The following CACNA1I variants were observed in gnomAD, a reference collection of about 807,000 sequenced individuals.
CACNA1I encodes the protein calcium voltage-gated channel subunit alpha1 I.
In CACNA1I, 74 loss-of-function variants were observed where a neutral mutation model predicts 201.6. The observed-to-expected ratio is 0.37, with a 90% CI of 0.30 to 0.45. The LOEUF (loss-of-function observed/expected upper bound fraction) is 0.45, where lower values mean the gene tolerates loss of function less well. Among genes scored for constraint, CACNA1I ranks in the 20% least tolerant of loss-of-function variants. CACNA1I has a pLI of 1.00. For missense variants in CACNA1I, 2,346 were observed against 3,138.1 expected (o/e 0.75, Z 6.03); for synonymous variants, 1,431 against 1,345.2 (o/e 1.06, Z -1.40).
In CACNA1I at chr22:39,598,082, C is replaced by T. The variant is rs143891203; in HGVS notation, c.237-69C>T. 2.8e-4 allele frequency: 240 copies of T among 863,022 alleles called. No individual in the cohort carries two copies. The African/African-American group carries it at 3.6e-3, about 13-fold the overall frequency. 53.5% of individuals were successfully genotyped at this position (863,022 alleles called of 1,614,324 possible). A position where few individuals can be genotyped will look rare whatever the true frequency, so the allele number is the denominator to read the frequency against. On this transcript the variant is annotated intron_variant, in intron 1 of 36. Transcript: ENST00000402142. ...TGTGTGTGGTGGGTTGCGGGTATTA[C>T]ACTCTAGGGTGCACCCCAGCCCCCA...
intron 3 of CACNA1I, among the ~76,000 whole-genome samples, chr22:39,611,075 T>C (rs778069304): frequency 6.6e-6 from 1 of 152,082 alleles, no homozygotes; most frequent in Admixed American, 6.6e-5. Context: ...TGGAAAGGGA[T>C]GCTGGACAGG....
chr22:39,649,315 G>A lies in CACNA1I; in HGVS notation c.1568-186G>A, dbSNP rs1274978931. Among the ~76,000 whole-genome samples the A allele has an allele frequency of 6.6e-6, 1 of 152,196 alleles. No homozygotes were observed. The highest frequency in any genetic ancestry group is 1.5e-5 in the Non-Finnish European group (1 of 68,038). On this transcript the variant is annotated intron_variant, in intron 9 of 36. Coordinates refer to ENST00000402142, the MANE Select transcript of CACNA1I (RefSeq NM_021096.4). This position sits in a 1 kb window ranked among gnomAD's most constrained non-coding sequence, Gnocchi z 7.3. ...CGTTCCTGCCCCAACTTCTACAACA[G>A]GGGCAGACAAAGCTCAGAGAGCTGC...
chr22:39,611,254 G>A (rs1292789331), intron 3 of CACNA1I, among the ~76,000 whole-genome samples: 2 of 152,140 alleles, frequency 1.3e-5, no homozygotes, highest in Non-Finnish European at 2.9e-5. Flanking sequence ...AATTAGTATT[G>A]TTAACACCAT....
At position 39,681,058 on chromosome 22, in the gene CACNA1I, C is replaced by T; in HGVS notation, c.5664+6C>T. 1 of 1,608,058 alleles carries T rather than the reference C, an allele frequency of 6.2e-7. No individual in the cohort carries two copies. Among genetic ancestry groups the T allele is most frequent in the Non-Finnish European group, 8.5e-7 (1 of 1,178,664 alleles). On this transcript the variant is annotated splice_donor_region_variant and intron_variant, in intron 34 of 36. Coordinates refer to ENST00000402142, the MANE Select transcript of CACNA1I (RefSeq NM_021096.4). The stretch of plus-strand genomic sequence containing the variant: ...CTGGCCGCAAAGACAGCAAGGTCAG[C>T]TCCCCTGGGGACTCCTGAGCAGGCG...
At chr22:39,674,408 A>T (rs1362176349) in intron 29 of CACNA1I, among the ~76,000 whole-genome samples, 1 of 152,166 alleles carries the variant, frequency 6.6e-6, no homozygotes, top group Non-Finnish European at 1.5e-5. Context: ...GAGATCAGGG[A>T]AGGCAGCCTA....
intron 1 of CACNA1I, among the ~76,000 whole-genome samples, chr22:39,575,810 T>C (rs1045210066): frequency 3.3e-5 from 5 of 151,802 alleles, no homozygotes; most frequent in Non-Finnish European, 5.9e-5. Flanking sequence ...AGTCTCTCTC[T>C]GTCACCCAGG....
Position 39,659,031 on chromosome 22 carries a change from C to A in CACNA1I, c.2245C>A (p.Arg749=). The A allele has an allele frequency of 6.2e-7, 1 of 1,612,990 alleles. No individual in the cohort carries two copies. Among genetic ancestry groups the A allele is most frequent in the Non-Finnish European group, 8.5e-7 (1 of 1,179,644 alleles). ...LKLVRFMPAL[R]RQLVVLMKTM... ...ACTGGTGCGCTTCATGCCTGCCCTG[C>A]GGCGCCAGCTCGTGGTGCTCATGAA... is the stretch of plus-strand genomic sequence containing the variant. Residue 749 remains arginine, a synonymous_variant, in exon 12 of 37, where the codon CGG becomes AGG. Coordinates refer to ENST00000402142, the MANE Select transcript of CACNA1I (RefSeq NM_021096.4). This position sits in a 1 kb window ranked among gnomAD's most constrained non-coding sequence, Gnocchi z 4.3.
At position 39,662,270 on chromosome 22, in the gene CACNA1I, G is replaced by C. The variant is rs1569088278; in HGVS notation, c.3207G>C (p.Glu1069Asp). ...ACAGGGACTCGGTGGACCTGGCCGA[G>C]CTGGTGCCCGCGGTGGGCGCCCACC... Reference protein sequence around the residue: ...LDNRDSVDLAELVPAVGAHPR... With the variant: ...LDNRDSVDLADLVPAVGAHPR... The change falls in exon 17 of 37, where the codon GAG becomes GAC. Residue 1069 changes from glutamate to aspartate, a missense_variant. Coordinates refer to ENST00000402142, the MANE Select transcript of CACNA1I (RefSeq NM_021096.4). 5 of 1,518,138 alleles carry C rather than the reference G, an allele frequency of 3.3e-6. 1 individual carries two copies. The highest frequency in any genetic ancestry group is 1.2e-5 in the South Asian group (1 of 81,446). 94.0% of individuals were successfully genotyped at this position (1,518,138 alleles called of 1,614,324 possible).
intron 3 of CACNA1I, among the ~76,000 whole-genome samples, chr22:39,605,426 A>G (rs1034359893): frequency 4.6e-5 from 7 of 152,186 alleles, no homozygotes; most frequent in Non-Finnish European, 8.8e-5. Flanking sequence ...TCTTTCTTTC[A>G]CGGAGCTGAA....
rs78429423 is a variant in CACNA1I at position 39,674,173 on chromosome 22, C to T, written c.4854+140C>T. 2.2e-3 allele frequency: 1,759 copies of T among 785,180 alleles called. 10 individuals are homozygous for T. The highest frequency in any genetic ancestry group is 0.019 in the African/African-American group (1,085 of 58,118). 48.6% of individuals were successfully genotyped at this position (785,180 alleles called of 1,614,324 possible). ...GCTGTCTCTGGGGATGCATTTTGAG[C>T]CAGGGGCTGAGAGGCAGGAAGGGTC... On this transcript the variant is annotated intron_variant, in intron 29 of 36. Transcript: ENST00000402142.
Position 39,659,953 on chromosome 22 carries a change from T to G in CACNA1I, c.2604+101T>G. 1 of 1,350,638 alleles carries G rather than the reference T, an allele frequency of 7.4e-7. No individual in the cohort carries two copies. The highest frequency in any genetic ancestry group is 1.0e-6 in the Non-Finnish European group (1 of 958,774). 83.7% of individuals were successfully genotyped at this position (1,350,638 alleles called of 1,614,324 possible). A position where few individuals can be genotyped will look rare whatever the true frequency, so the allele number is the denominator to read the frequency against. On this transcript the variant is annotated intron_variant, in intron 14 of 36. Coordinates refer to ENST00000402142, the MANE Select transcript of CACNA1I (RefSeq NM_021096.4). This position sits in a 1 kb window ranked among gnomAD's most constrained non-coding sequence, Gnocchi z 4.3. The stretch of plus-strand genomic sequence containing the variant: ...GGGGGAGGGCTGCAATTCAAACTTC[T>G]AGCAGGCAACCTATCCCTAAAGGAG...
chr22:39,594,712 T>A (rs1601802408), intron 1 of CACNA1I, among the ~76,000 whole-genome samples: 1 of 152,042 alleles, frequency 6.6e-6, no homozygotes, highest in East Asian at 1.9e-4. Flanking sequence ...CTGGTGTGGC[T>A]ACATCCCAGC....
chr22:39,618,182 G>A (rs1366604432), intron 3 of CACNA1I, among the ~76,000 whole-genome samples: 2 of 148,076 alleles, frequency 1.4e-5, no homozygotes, highest in African/African-American at 5.0e-5. Flanking sequence ...TGTGTGTGTG[G>A]GTATGTGGTT....
At chr22:39,605,467 T>C (rs1218140034) in intron 3 of CACNA1I, among the ~76,000 whole-genome samples, 1 of 152,068 alleles carries the variant, frequency 6.6e-6, no homozygotes, top group African/African-American at 2.4e-5. Context: ...CACCGGATGG[T>C]ACCATTCATT....
At chr22:39,678,899 G>A (rs942109051) in intron 31 of CACNA1I, among the ~76,000 whole-genome samples, 31 of 152,196 alleles carry the variant, frequency 2.0e-4, no homozygotes, top group Non-Finnish European at 5.9e-5. Context: ...GAGGGCGCTG[G>A]GCCATCCGTC....
intron 4 of CACNA1I, among the ~76,000 whole-genome samples, chr22:39,632,434 C>T (rs993264563): frequency 6.6e-6 from 1 of 152,218 alleles, no homozygotes; most frequent in Non-Finnish European, 1.5e-5. Flanking sequence ...TGCCTTTGCC[C>T]ATGCCAGTCC....
At chr22:39,584,560 G>A (rs1932679887) in intron 1 of CACNA1I, among the ~76,000 whole-genome samples, 1 of 152,166 alleles carries the variant, frequency 6.6e-6, no homozygotes, top group Non-Finnish European at 1.5e-5. Flanking sequence ...TGGGAGACCA[G>A]AGGGCTGGGG....
intron 1 of CACNA1I, among the ~76,000 whole-genome samples, chr22:39,589,030 T>A (rs1220237770): frequency 1.3e-5 from 2 of 152,198 alleles, no homozygotes; most frequent in Non-Finnish European, 2.9e-5. Flanking sequence ...TTCTTTGTTG[T>A]GGGGCTGTCC....
At chr22:39,664,716 C>A in intron 20 of CACNA1I, 23 bp from the exon 21 acceptor site, 1 of 1,101,816 alleles carries the variant, frequency 9.1e-7, no homozygotes. Flanking sequence ...GGCAGCCTGA[C>A]CCCGGCCCCA....
Sources: allele counts gnomAD v4.1 joint callset (sites outside exome capture counted in the v4.1 genomes callset), GRCh38; gene constraint gnomAD v4.1.1; non-coding constraint Gnocchi (gnomAD v3.1); transcripts MANE v1.5; gene names NCBI Gene and HGNC (gene_info 2026-07-23, HGNC 2026-07-21).